Variants in EXD3 observed in about 807,000 individuals in gnomAD.
EXD3 encodes exonuclease 3'-5' domain containing 3, also known as exonuclease mut-7 homolog.
EXD3 carries 92 observed loss-of-function variants against 98.0 expected under a neutral mutation model. The observed-to-expected ratio is 0.94, with a 90% CI of 0.79 to 1.12. The LOEUF (loss-of-function observed/expected upper bound fraction) is 1.12, where lower values mean the gene tolerates loss of function less well. Ranked by LOEUF, EXD3 falls within the 50% of genes most tolerant of loss-of-function variation. The pLI, the probability that EXD3 is intolerant of heterozygous loss-of-function variation, is 0.00. For synonymous variants in EXD3, 569 were observed against 526.0 expected (o/e 1.08, Z -1.12); for missense variants, 1,222 against 1,191.6 (o/e 1.03, Z -0.38).
chr9:137,310,992 C>T (rs528181670), intron 19 of EXD3, among the ~76,000 whole-genome samples: 26 of 152,332 alleles, frequency 1.7e-4, no homozygotes, highest in African/African-American at 6.0e-4. Flanking sequence ...CTGGAGCCTC[C>T]GGGTGTGGCC....
At chr9:137,413,208 CT>C (rs534902066) in intron 1 of EXD3, among the ~76,000 whole-genome samples, 7 of 149,500 alleles carry the variant, frequency 4.7e-5, no homozygotes, top group Non-Finnish European at 4.5e-5. Context: ...AACTCCAGAA[CT>C]TTTTTTTTTG....
intron 9 of EXD3, 93 bp downstream of exon 9, chr9:137,354,605 CTG>C: frequency 6.4e-7 from 1 of 1,571,426 alleles, no homozygotes; most frequent in Non-Finnish European, 8.6e-7. Flanking sequence ...CTTGATATGT[CTG>C]TGCACCCTGC....
In EXD3 at chr9:137,351,153, G is replaced by T; in HGVS notation, c.1385-6C>A. On this transcript the variant is annotated splice_polypyrimidine_tract_variant and splice_region_variant and intron_variant, in intron 13 of 21. Transcript: ENST00000340951. The stretch of plus-strand genomic sequence containing the variant: ...GTCCCCCACCATCCCGTAGCCTGTG[G>T]GCAGGAACCATCGTGGGAGGGGCGC... 2 of 1,567,332 alleles carry T rather than the reference G, an allele frequency of 1.3e-6. No individual in the cohort carries two copies. Among genetic ancestry groups the T allele is most frequent in the East Asian group, 4.8e-5 (2 of 41,984 alleles).
At position 137,319,039 on chromosome 9, in the gene EXD3, C is replaced by G. The variant is rs539677802; in HGVS notation, c.2184+4686G>C. ...GGAAGAAGAAAATGGAAAGTCAGCCCGGCGGCAGGCGCTCTCCAGGGAGGT... is the reference window on the plus strand; with the variant it reads ...GGAAGAAGAAAATGGAAAGTCAGCCGGGCGGCAGGCGCTCTCCAGGGAGGT... On this transcript the variant is annotated intron_variant, in intron 19 of 21. Transcript: ENST00000340951. 1.5e-3 allele frequency among the ~76,000 whole-genome samples: 232 copies of G among 152,358 alleles called. 1 individual carries two copies. The highest frequency in any genetic ancestry group is 5.5e-3 in the African/African-American group (229 of 41,586).
rs1227208607 is a variant in EXD3 at position 137,404,785 on chromosome 9, G to A, written c.-47-9381C>T. Among the ~76,000 whole-genome samples, 3 of 151,964 alleles carry A rather than the reference G, an allele frequency of 2.0e-5. 1 individual carries two copies. The highest frequency in any genetic ancestry group is 4.8e-5 in the African/African-American group (2 of 41,360). On this transcript the variant is annotated intron_variant, in intron 1 of 21. Transcript: ENST00000340951. ...TGAGGCAGGAGAAATGCTTGAACCC[G>A]GGAGGCAGAGGTTGCAGTGAGCCAA...
chr9:137,364,716 G>C (rs1342620270), intron 7 of EXD3, among the ~76,000 whole-genome samples: 1 of 150,558 alleles, frequency 6.6e-6, no homozygotes, highest in East Asian at 1.9e-4. Context: ...TCTTTTCTTC[G>C]CAATGAGACC....
At chr9:137,384,875 T>C (rs1385739451) in intron 2 of EXD3, among the ~76,000 whole-genome samples, 1 of 152,186 alleles carries the variant, frequency 6.6e-6, no homozygotes, top group Non-Finnish European at 1.5e-5. Context: ...GTGGATCATT[T>C]GAGGTCAGGA....
At chr9:137,331,392 A>G (rs1333729533) in intron 17 of EXD3, among the ~76,000 whole-genome samples, 1 of 152,000 alleles carries the variant, frequency 6.6e-6, no homozygotes, top group Non-Finnish European at 1.5e-5. Context: ...CCCACCCAAC[A>G]TAGTATTCAA....
rs1833996695 is a variant in EXD3, at chr9:137,347,517, C to T, written c.1998+554G>A. 6.6e-6 allele frequency among the ~76,000 whole-genome samples: 1 copy of T among 151,942 alleles called. No homozygotes were observed. The highest frequency in any genetic ancestry group is 2.4e-5 in the African/African-American group (1 of 41,346). On this transcript the variant is annotated intron_variant, in intron 17 of 21. Transcript: ENST00000340951. The surrounding 1 kb of genome is among the most constrained non-coding windows in gnomAD (Gnocchi z 4.2). ...GGAGTGCAGTGGCGTGATCTCAGCT[C>T]ACTGTAACCTCTGCCTCCGGTGTTT...
intron 1 of EXD3, among the ~76,000 whole-genome samples, chr9:137,417,260 T>C (rs994074711): frequency 7.2e-5 from 11 of 152,108 alleles, no homozygotes; most frequent in Non-Finnish European, 1.2e-4. Flanking sequence ...GGGACGGGGA[T>C]GGCCAGTTTC....
intron 7 of EXD3, among the ~76,000 whole-genome samples, chr9:137,361,507 G>T (rs1427747753): frequency 2.6e-5 from 1 of 38,786 alleles, no homozygotes; most frequent in Non-Finnish European, 7.2e-5. Context: ...CAGCACTTTG[G>T]GAGGCCAAGG....
chr9:137,384,849 T>C (rs983562251), intron 2 of EXD3, among the ~76,000 whole-genome samples: 13 of 152,286 alleles, frequency 8.5e-5, no homozygotes, highest in Non-Finnish European at 1.6e-4. Flanking sequence ...CTCAGCACTT[T>C]GGGAGGCCGA....
rs1564477205 is a variant in EXD3, at chr9:137,328,580, A to AGCTACACGGG, written c.1999-4447_1999-4438dup. Among the ~76,000 whole-genome samples the AGCTACACGGG allele has an allele frequency of 7.6e-5, 7 of 91,658 alleles. 3 individuals are homozygous for AGCTACACGGG. Among genetic ancestry groups the AGCTACACGGG allele is most frequent in the African/African-American group, 1.8e-4 (4 of 21,630 alleles). 60.1% of individuals were successfully genotyped at this position (91,658 alleles called of 152,430 possible). ...GGAAGAAACAGACTAGTTACACAGG[A>AGCTACACGGG]GCTACACGGGACTACACGGGACTAC... On this transcript the variant is annotated intron_variant, in intron 17 of 21. Coordinates refer to ENST00000340951, the MANE Select transcript of EXD3 (RefSeq NM_017820.5).
In EXD3 at chr9:137,370,732, C is replaced by T. The variant is rs954685606; in HGVS notation, c.462+2173G>A. ...TGGGCAGGTGCCCAGGCTCGAAGGCCGAGGACCCCAGCGACAGCCCTGCCT... is the reference window on the plus strand; with the variant it reads ...TGGGCAGGTGCCCAGGCTCGAAGGCTGAGGACCCCAGCGACAGCCCTGCCT... On this transcript the variant is annotated intron_variant, in intron 5 of 21. Transcript: ENST00000340951. 4.0e-5 allele frequency among the ~76,000 whole-genome samples: 6 copies of T among 151,240 alleles called. No homozygotes were observed. In the East Asian group the frequency reaches 5.8e-4, roughly 15 times the overall value.
intron 10 of EXD3, 125 bp downstream of exon 10, chr9:137,354,214 C>T: frequency 6.7e-7 from 1 of 1,483,386 alleles, no homozygotes; most frequent in South Asian, 1.2e-5. Flanking sequence ...AACATGGGGT[C>T]TGGGCTCAGC....
chr9:137,383,198 C>A, intron 3 of EXD3, 115 bp downstream of exon 3: 2 of 858,358 alleles, frequency 2.3e-6, no homozygotes, highest in South Asian at 1.6e-5. Flanking sequence ...ACCCTGTGGC[C>A]GTGGGGGGCT....
At chr9:137,352,330 C>T (rs1026530314) in intron 11 of EXD3, 129 bp from the exon 12 acceptor site, 1 of 1,312,636 alleles carries the variant, frequency 7.6e-7, no homozygotes. Context: ...TCCTCCCACA[C>T]CGGCTCAGTC....
At chr9:137,394,645 A>G (rs548005136) in intron 2 of EXD3, among the ~76,000 whole-genome samples, 21 of 152,278 alleles carry the variant, frequency 1.4e-4, no homozygotes, top group Non-Finnish European at 2.6e-4. Flanking sequence ...GGAGGGAGAG[A>G]GGCTGCACCT....
intron 17 of EXD3, among the ~76,000 whole-genome samples, chr9:137,338,978 G>A (rs1833515402): frequency 6.6e-6 from 1 of 151,290 alleles, no homozygotes; most frequent in South Asian, 2.1e-4. Flanking sequence ...CACAATAAAA[G>A]AGAGGGAACC....
Sources: gnomAD v4.1 joint callset for allele counts (sites outside exome capture counted in the v4.1 genomes callset) on GRCh38, gnomAD v4.1.1 for gene constraint, Gnocchi (gnomAD v3.1) non-coding constraint, MANE v1.5 for transcripts, NCBI Gene and HGNC (gene_info 2026-07-23, HGNC 2026-07-21) for gene names.